The following TRAPPC8 variants were observed in gnomAD, a reference collection of about 807,000 sequenced individuals.
The protein encoded by TRAPPC8 is general sporulation gene 1 homolog.
In TRAPPC8, 54 loss-of-function variants were observed where a neutral mutation model predicts 174.3. The observed-to-expected ratio is 0.31, with a 90% CI of 0.25 to 0.39. The LOEUF (loss-of-function observed/expected upper bound fraction) is 0.39. Ranked by LOEUF, TRAPPC8 falls within the 10% of genes least tolerant of loss-of-function variation. The pLI is 1.00. For synonymous variants in TRAPPC8, 630 were observed against 579.9 expected (o/e 1.09, Z -1.24); for missense variants, 1,531 against 1,699.1 (o/e 0.90, Z 1.74).
intron 1 of TRAPPC8, among the ~76,000 whole-genome samples, chr18:31,941,262 G>C (rs1364596976): frequency 1.3e-5 from 2 of 152,116 alleles, no homozygotes; most frequent in Non-Finnish European, 2.9e-5. Context: ...GACCAACATG[G>C]AGAAACCCTG....
intron 27 of TRAPPC8, among the ~76,000 whole-genome samples, chr18:31,836,116 G>C (rs1197940897): frequency 6.6e-6 from 1 of 152,180 alleles, no homozygotes; most frequent in East Asian, 1.9e-4. Flanking sequence ...ATGACTAATA[G>C]AGATGGACAT....
chr18:31,873,402 T>A (rs756715211), intron 14 of TRAPPC8, 28 bp downstream of exon 14: 10 of 1,536,020 alleles, frequency 6.5e-6, no homozygotes, highest in Non-Finnish European at 8.9e-6. Context: ...TGTCATTAGG[T>A]AATTAGGCTA....
chr18:31,868,409 T>C (rs1348613027), intron 16 of TRAPPC8, among the ~76,000 whole-genome samples: 1 of 152,184 alleles, frequency 6.6e-6, no homozygotes, highest in South Asian at 2.1e-4. Context: ...AATGAAAATA[T>C]TCACTTAACT....
intron 9 of TRAPPC8, among the ~76,000 whole-genome samples, chr18:31,904,151 C>T (rs1255541668): frequency 6.6e-6 from 1 of 151,138 alleles, no homozygotes; most frequent in African/African-American, 2.4e-5. Context: ...GTAGGAGGAT[C>T]AGTTGAGCCC....
Position 31,912,468 on chromosome 18 carries a change from G to C in TRAPPC8, c.771+901C>G, listed in dbSNP as rs1322243477. 2.6e-5 allele frequency among the ~76,000 whole-genome samples: 4 copies of C among 151,680 alleles called. No homozygotes were observed. In the South Asian group the frequency reaches 8.4e-4, roughly 32 times the overall value. ...GATCGCGCCATTGCACCCCAGCCTGGGCAACAGAGCGAGACTCTTTGTCTC... is the reference window on the plus strand; with the variant it reads ...GATCGCGCCATTGCACCCCAGCCTGCGCAACAGAGCGAGACTCTTTGTCTC... On this transcript the variant is annotated intron_variant, in intron 5 of 28. Transcript: ENST00000283351.
chr18:31,862,479 A>G (rs1373472998), intron 19 of TRAPPC8, among the ~76,000 whole-genome samples: 1 of 152,206 alleles, frequency 6.6e-6, no homozygotes, highest in East Asian at 1.9e-4. Flanking sequence ...GAAAGATGGC[A>G]TAATGAGTTG....
Position 31,830,765 on chromosome 18 carries a change from CTGA to C in TRAPPC8, c.4295_4297del (p.Ile1432del). On this transcript the variant is annotated inframe_deletion, in exon 29 of 29. Coordinates refer to ENST00000283351, the MANE Select transcript of TRAPPC8 (RefSeq NM_014939.5). ...CAAATTTCCAAGTTGTCACACATTA[CTGA>C]TGATGATCAGGGCAGGCATGGAATT... is the stretch of plus-strand genomic sequence containing the variant. 2 of 1,613,102 alleles carry C rather than the reference CTGA, an allele frequency of 1.2e-6. No homozygotes were observed. The highest frequency in any genetic ancestry group is 1.7e-6 in the Non-Finnish European group (2 of 1,179,362).
intron 1 of TRAPPC8, chr18:31,939,408 T>A (rs1415359338): frequency 2.6e-5 from 4 of 152,126 alleles, no homozygotes; most frequent in Admixed American, 2.6e-4. Flanking sequence ...AAATCGCAAA[T>A]CCCTTTCCTA....
chr18:31,855,019 G>A (rs540937081), intron 21 of TRAPPC8, among the ~76,000 whole-genome samples: 1 of 148,080 alleles, frequency 6.8e-6, no homozygotes, highest in African/African-American at 2.5e-5. Context: ...GGCCAACATG[G>A]TGAAACCCTG....
chr18:31,913,019 T>C (rs188239516), intron 5 of TRAPPC8, among the ~76,000 whole-genome samples: 451 of 152,054 alleles, frequency 3.0e-3, no homozygotes, highest in African/African-American at 0.01. Flanking sequence ...TCCCATGTAC[T>C]TGGGAGGCTG....
Position 31,855,815 on chromosome 18 carries a change from TAAA to T in TRAPPC8, c.3189-11_3189-9del, listed in dbSNP as rs34167680. 5.2e-3 allele frequency: 7,591 copies of T among 1,466,828 alleles called. No homozygotes were observed. Among genetic ancestry groups the T allele is most frequent in the Admixed American group, 0.015 (597 of 39,962 alleles). The allele number at this position is 1,466,828 out of a possible 1,614,324, so 90.9% of individuals were successfully genotyped here. A position where few individuals can be genotyped will look rare whatever the true frequency, so the allele number is the denominator to read the frequency against. ...TGTCTTAATATTCTGTGCCTGAAGT[TAAA>T]AAAAAAAAAAAAAGCACATTTAAGC... On this transcript the variant is annotated splice_polypyrimidine_tract_variant and intron_variant, in intron 20 of 28. Coordinates refer to ENST00000283351, the MANE Select transcript of TRAPPC8 (RefSeq NM_014939.5).
intron 2 of TRAPPC8, among the ~76,000 whole-genome samples, chr18:31,928,481 C>G (rs1261287912): frequency 6.6e-6 from 1 of 151,930 alleles, no homozygotes; most frequent in African/African-American, 2.4e-5. Context: ...ATGATCATAC[C>G]ACTGCACACC....
chr18:31,861,335 T>C (rs1427406040), intron 19 of TRAPPC8, among the ~76,000 whole-genome samples: 1 of 152,188 alleles, frequency 6.6e-6, no homozygotes. Flanking sequence ...TTTCTAAAAT[T>C]GTGATATGCA....
chr18:31,890,709 T>C, intron 12 of TRAPPC8, 26 bp downstream of exon 12: 5 of 1,586,280 alleles, frequency 3.2e-6, no homozygotes, highest in Non-Finnish European at 4.3e-6. Context: ...AATAGCAACT[T>C]TTCATTGTAA....
At chr18:31,846,296 G>A (rs1568038349) in intron 26 of TRAPPC8, among the ~76,000 whole-genome samples, 1 of 152,152 alleles carries the variant, frequency 6.6e-6, no homozygotes, top group Non-Finnish European at 1.5e-5. Flanking sequence ...GAACATGGCA[G>A]TGCGTGGTAG....
intron 4 of TRAPPC8, among the ~76,000 whole-genome samples, chr18:31,915,338 GT>G (rs2037084872): frequency 2.6e-5 from 4 of 151,722 alleles, no homozygotes; most frequent in Admixed American, 2.6e-4. Flanking sequence ...TCATGTGCCT[GT>G]AATCCCAGCT....
chr18:31,883,224 GAAAAAA>G (rs397858732), intron 12 of TRAPPC8: 2 of 96,730 alleles, frequency 2.1e-5, no homozygotes, highest in African/African-American at 4.2e-5. Context: ...CTTCATCTCA[GAAAAAA>G]AAAAAAAAAA....
chr18:31,869,804 G>C (rs754554799), intron 16 of TRAPPC8, among the ~76,000 whole-genome samples: 18 of 152,214 alleles, frequency 1.2e-4, no homozygotes, highest in Non-Finnish European at 2.5e-4. Context: ...AAAATAACTG[G>C]AAGGCCGGGC....
chr18:31,892,800 G>A (rs2036010175), intron 11 of TRAPPC8, among the ~76,000 whole-genome samples: 1 of 152,046 alleles, frequency 6.6e-6, no homozygotes, highest in African/African-American at 2.4e-5. Flanking sequence ...GAAGGTGGGG[G>A]ATCGTTTTGA....
Sources: gnomAD v4.1 joint callset for allele counts (sites outside exome capture counted in the v4.1 genomes callset) on GRCh38, gnomAD v4.1.1 for gene constraint, MANE v1.5 for transcripts, NCBI Gene and HGNC (gene_info 2026-07-23, HGNC 2026-07-21) for gene names.